Variants in DYNC2H1 observed in about 807,000 individuals in gnomAD.
The protein encoded by DYNC2H1 is cytoplasmic dynein 2 heavy chain 1.
DYNC2H1 carries 410 observed loss-of-function variants against 570.0 expected under a neutral mutation model. The ratio of observed to expected loss-of-function variants is 0.72; its 90% CI spans 0.66 to 0.78. DYNC2H1 has a LOEUF of 0.78. Ranked by LOEUF, DYNC2H1 falls within the 30% of genes least tolerant of loss-of-function variation. DYNC2H1 has a pLI of 0.00. For missense variants in DYNC2H1, 4,865 were observed against 5,046.4 expected (o/e 0.96, Z 1.09); for synonymous variants, 1,688 against 1,677.6 (o/e 1.01, Z -0.15).
intron 55 of DYNC2H1, 106 bp downstream of exon 55, chr11:103,215,964 C>A: frequency 7.6e-7 from 1 of 1,315,930 alleles, no homozygotes; most frequent in Non-Finnish European, 1.0e-6. Context: ...AAAAATATTG[C>A]TTATTCATAC....
chr11:103,209,990 G>A lies in DYNC2H1; in HGVS notation c.8539+30G>A. On this transcript the variant is annotated intron_variant, in intron 53 of 88. Coordinates refer to ENST00000375735, the MANE Select transcript of DYNC2H1 (RefSeq NM_001377.3). This position sits in a 1 kb window ranked among gnomAD's most constrained non-coding sequence, Gnocchi z 4.2. The stretch of plus-strand genomic sequence containing the variant: ...TATTTTGATAAAATCAGTTTGATCT[G>A]GTTTTTATTTATGAAATAATTGCCG... The A allele has an allele frequency of 2.1e-6, 3 of 1,425,472 alleles. No homozygotes were observed. Among genetic ancestry groups the A allele is most frequent in the Middle Eastern group, 1.8e-4 (1 of 5,572 alleles). 88.3% of individuals were successfully genotyped at this position (1,425,472 alleles called of 1,614,324 possible).
chr11:103,328,420 C>A (rs543156243), intron 82 of DYNC2H1, among the ~76,000 whole-genome samples: 1 of 152,052 alleles, frequency 6.6e-6, no homozygotes, highest in East Asian at 1.9e-4. Context: ...CACATTTAAA[C>A]ACCCTTATTT....
chr11:103,362,938 G>A (rs901793164), intron 83 of DYNC2H1, among the ~76,000 whole-genome samples: 6 of 152,116 alleles, frequency 3.9e-5, no homozygotes, highest in African/African-American at 1.2e-4. Flanking sequence ...GGCTGAGGCA[G>A]GAGAATCACC....
Position 103,289,930 on chromosome 11 carries a change from A to G in DYNC2H1, c.11095+2325A>G, listed in dbSNP as rs1866524719. Among the ~76,000 whole-genome samples the G allele has an allele frequency of 6.6e-6, 1 of 152,098 alleles. No homozygotes were observed. Among genetic ancestry groups the G allele is most frequent in the African/African-American group, 2.4e-5 (1 of 41,422 alleles). ...CATGTAAAGACAGACACGCAAGGAG[A>G]GTATAATGTGATTATGAAGGCACAG... On this transcript the variant is annotated intron_variant, in intron 75 of 88. Coordinates refer to ENST00000375735, the MANE Select transcript of DYNC2H1 (RefSeq NM_001377.3). This position sits in a 1 kb window ranked among gnomAD's most constrained non-coding sequence, Gnocchi z 4.2.
At chr11:103,192,002 G>T in intron 46 of DYNC2H1, 95 bp from the exon 47 acceptor site, 1 of 973,562 alleles carries the variant, frequency 1.0e-6, no homozygotes, top group Non-Finnish European at 1.4e-6. Context: ...CAAAATTATG[G>T]TATGTAGACA....
chr11:103,424,487 A>G (rs1943597563), intron 84 of DYNC2H1, among the ~76,000 whole-genome samples: 1 of 152,196 alleles, frequency 6.6e-6, no homozygotes, highest in African/African-American at 2.4e-5. Context: ...ACGAAAGCAT[A>G]TGCCATACAA....
At chr11:103,217,950 A>G (rs1012459118) in intron 55 of DYNC2H1, among the ~76,000 whole-genome samples, 15 of 152,222 alleles carry the variant, frequency 9.9e-5, no homozygotes, top group African/African-American at 3.6e-4. Flanking sequence ...AGGGACAGTA[A>G]ACACATGAAA....
Position 103,186,257 on chromosome 11 carries a change from C to T in DYNC2H1, c.6649C>T (p.Arg2217Ter), listed in dbSNP as rs756087785. The T allele has an allele frequency of 2.5e-6, 4 of 1,610,542 alleles. No homozygotes were observed. The highest frequency in any genetic ancestry group is 1.1e-5 in the South Asian group (1 of 90,922). The change falls in exon 42 of 89, where the codon CGA (arginine) becomes TGA (stop). Residue 2217 changes from arginine (R) to a stop codon, truncating the protein, a stop_gained. Transcript: ENST00000375735. LOFTEE classifies it high-confidence loss of function. The surrounding 1 kb of genome is among the most constrained non-coding windows in gnomAD (Gnocchi z 4.5). ...EFTKEVFHWA[R>*]ESPPDFHKPM... Reference sequence around the variant, plus strand: ...TCCTCTTAAGGTTTTTCATTGGGCACGAGAATCTCCTCCAGACTTTCACAA... The same window carrying T: ...TCCTCTTAAGGTTTTTCATTGGGCATGAGAATCTCCTCCAGACTTTCACAA...
intron 54 of DYNC2H1, among the ~76,000 whole-genome samples, chr11:103,214,064 C>G (rs1448607704): frequency 3.3e-5 from 5 of 152,074 alleles, no homozygotes; most frequent in Admixed American, 6.6e-5. Context: ...CCAATTTTCC[C>G]ACCACCATTT....
intron 63 of DYNC2H1, 143 bp downstream of exon 63, chr11:103,236,682 A>G (rs1189506570): frequency 1.1e-5 from 5 of 475,754 alleles, no homozygotes; most frequent in African/African-American, 1.0e-4. Context: ...AAACCCATCA[A>G]TGATTCAGTT....
At chr11:103,309,250 C>T (rs1356480829) in intron 78 of DYNC2H1, among the ~76,000 whole-genome samples, 1 of 138,716 alleles carries the variant, frequency 7.2e-6, no homozygotes, top group Non-Finnish European at 1.5e-5. Context: ...TCACAGCTCA[C>T]TGCAGTCTCG....
chr11:103,371,431 A>T (rs994785066), intron 83 of DYNC2H1, among the ~76,000 whole-genome samples: 1 of 152,218 alleles, frequency 6.6e-6, no homozygotes, highest in East Asian at 1.9e-4. Context: ...AGAGAAAGAT[A>T]TCAATATTCA....
rs188656981 is a variant in DYNC2H1, at chr11:103,241,731, A to G, written c.9820-1962A>G. On this transcript the variant is annotated intron_variant, in intron 63 of 88. Transcript: ENST00000375735. The surrounding 1 kb of genome is among the most constrained non-coding windows in gnomAD (Gnocchi z 5.1). Reference sequence around the variant, plus strand: ...GTGCTTCGAGTAGTACATTTACGTGATGGAGCAGTAAGTGAAATCTCTAGA... The same window carrying G: ...GTGCTTCGAGTAGTACATTTACGTGGTGGAGCAGTAAGTGAAATCTCTAGA... Among the ~76,000 whole-genome samples, 1 of 152,140 alleles carries G rather than the reference A, an allele frequency of 6.6e-6. No individual in the cohort carries two copies. Among genetic ancestry groups the G allele is most frequent in the Non-Finnish European group, 1.5e-5 (1 of 68,012 alleles).
intron 70 of DYNC2H1, among the ~76,000 whole-genome samples, chr11:103,263,261 G>T (rs1865384366): frequency 6.6e-6 from 1 of 152,036 alleles, no homozygotes; most frequent in African/African-American, 2.4e-5. Context: ...AATATTGAGA[G>T]AGTTTAACAC....
intron 46 of DYNC2H1, among the ~76,000 whole-genome samples, 169 bp from the exon 47 acceptor site, chr11:103,191,928 C>T (rs1241218737): frequency 6.6e-6 from 1 of 152,056 alleles, no homozygotes; most frequent in African/African-American, 2.4e-5. Context: ...TAATCACAAA[C>T]ATGTACCAAC....
chr11:103,146,105 T>G (rs1219682569), intron 18 of DYNC2H1, among the ~76,000 whole-genome samples: 1 of 152,188 alleles, frequency 6.6e-6, no homozygotes, highest in African/African-American at 2.4e-5. Flanking sequence ...ATATATAGCT[T>G]TTGGTTGTTA....
At chr11:103,298,012 T>C (rs1369678418) in intron 75 of DYNC2H1, among the ~76,000 whole-genome samples, 2 of 152,088 alleles carry the variant, frequency 1.3e-5, no homozygotes, top group Non-Finnish European at 2.9e-5. Context: ...ACTTTAAGTC[T>C]ATCCTCAACA....
chr11:103,428,162 A>G (rs1209175230), intron 84 of DYNC2H1, among the ~76,000 whole-genome samples: 1 of 149,370 alleles, frequency 6.7e-6, no homozygotes, highest in Admixed American at 6.7e-5. Context: ...TCAAATGGAT[A>G]TATGGTCTCT....
chr11:103,255,628 A>ATT (rs36054868), intron 67 of DYNC2H1, 94 bp downstream of exon 67: 5 of 1,323,360 alleles, frequency 3.8e-6, no homozygotes, highest in Admixed American at 6.4e-5. Flanking sequence ...GTATCTTCAG[A>ATT]TTTTTTTTTC....
Sources: gnomAD v4.1 joint callset for allele counts (sites outside exome capture counted in the v4.1 genomes callset) on GRCh38, gnomAD v4.1.1 for gene constraint, Gnocchi (gnomAD v3.1) non-coding constraint, MANE v1.5 for transcripts, NCBI Gene and HGNC (gene_info 2026-07-23, HGNC 2026-07-21) for gene names.